Variants in LRRFIP1 observed in about 807,000 individuals in gnomAD.
The protein encoded by LRRFIP1 is leucine-rich repeat flightless-interacting protein 1.
A neutral mutation model predicts 104.4 loss-of-function variants in LRRFIP1; 62 were observed. The ratio of observed to expected loss-of-function variants is 0.59; its 90% CI spans 0.48 to 0.73. The LOEUF (loss-of-function observed/expected upper bound fraction) is 0.73. Ranked by LOEUF, LRRFIP1 falls within the 30% of genes least tolerant of loss-of-function variation. The pLI is 0.00. For synonymous variants in LRRFIP1, 300 were observed against 299.0 expected, an observed-to-expected ratio of 1.00 and a Z score of -0.03; for missense variants, 796 against 824.5, an observed-to-expected ratio of 0.97 and a Z score of 0.42.
intron 1 of LRRFIP1, among the ~76,000 whole-genome samples, chr2:237,698,054 A>T (rs780190796): frequency 6.6e-6 from 1 of 152,226 alleles, no homozygotes; most frequent in Non-Finnish European, 1.5e-5. Context: ...GAATAGGTCA[A>T]TGTGTGAGTC....
rs537146952 is a variant in LRRFIP1, at chr2:237,770,394, A to C, written c.1509+402A>C. 2.8e-5 allele frequency: 5 copies of C among 180,412 alleles called. No homozygotes were observed. In the South Asian group the frequency reaches 3.6e-4, roughly 13 times the overall value. 11.2% of individuals were successfully genotyped at this position (180,412 alleles called of 1,614,324 possible). On this transcript the variant is annotated intron_variant, in intron 20 of 23. Coordinates refer to ENST00000308482, the MANE Select transcript of LRRFIP1 (RefSeq NM_001137550.2). ...TATGGGTTGTTTGTCCATAAAAGTC[A>C]GTTTTGTACTCTTGGTGATCAGCAC...
At chr2:237,720,479 A>T (rs1027206267) in intron 5 of LRRFIP1, among the ~76,000 whole-genome samples, 3 of 146,738 alleles carry the variant, frequency 2.0e-5, no homozygotes, top group Non-Finnish European at 4.5e-5. Context: ...CAAACTCCTG[A>T]CCTCAAGTGA....
intron 1 of LRRFIP1, among the ~76,000 whole-genome samples, chr2:237,639,167 A>T (rs1290003648): frequency 6.6e-6 from 1 of 152,162 alleles, no homozygotes; most frequent in East Asian, 1.9e-4. Context: ...AGAAGGAGGC[A>T]GTTGTGCTTC....
chr2:237,666,795 T>TTCTTTCTC (rs1559501518), intron 1 of LRRFIP1, among the ~76,000 whole-genome samples: 5 of 29,632 alleles, frequency 1.7e-4, no homozygotes, highest in African/African-American at 7.1e-4. Flanking sequence ...TTCTTTCTCT[T>TTCTTTCTC]TCTCTTTCTT....
intron 8 of LRRFIP1, among the ~76,000 whole-genome samples, chr2:237,730,127 G>A (rs2094935238): frequency 6.6e-6 from 1 of 152,134 alleles, no homozygotes; most frequent in African/African-American, 2.4e-5. Flanking sequence ...TTTCTAATTA[G>A]AATTAATCAA....
intron 19 of LRRFIP1, among the ~76,000 whole-genome samples, chr2:237,760,990 G>A (rs1290497070): frequency 1.3e-5 from 2 of 152,182 alleles, no homozygotes; most frequent in African/African-American, 4.8e-5. Context: ...AAGTTGCAGC[G>A]TGCAAGTGAG....
intron 11 of LRRFIP1, among the ~76,000 whole-genome samples, chr2:237,739,902 C>T (rs2064198477): frequency 1.3e-5 from 2 of 151,966 alleles, no homozygotes; most frequent in South Asian, 4.2e-4. Flanking sequence ...TGAAGGCGAC[C>T]CTATGACTCT....
chr2:237,682,248 G>A (rs887194784), intron 1 of LRRFIP1, among the ~76,000 whole-genome samples: 1 of 152,208 alleles, frequency 6.6e-6, no homozygotes, highest in Non-Finnish European at 1.5e-5. Flanking sequence ...GCTGCCAGAC[G>A]GAATCTTTTG....
chr2:237,718,773 G>T (rs887222076), intron 4 of LRRFIP1, among the ~76,000 whole-genome samples: 1 of 152,096 alleles, frequency 6.6e-6, no homozygotes, highest in African/African-American at 2.4e-5. Flanking sequence ...TATAAAAGAG[G>T]TTCGCTCTTC....
chr2:237,708,208 T>A (rs1287766628), intron 1 of LRRFIP1, among the ~76,000 whole-genome samples: 1 of 152,216 alleles, frequency 6.6e-6, no homozygotes, highest in Non-Finnish European at 1.5e-5. Flanking sequence ...TTAGGCAAGT[T>A]ACTTACCCTC....
chr2:237,718,966 A>G (rs909035573), intron 4 of LRRFIP1, among the ~76,000 whole-genome samples: 1 of 152,226 alleles, frequency 6.6e-6, no homozygotes, highest in Non-Finnish European at 1.5e-5. Context: ...ATCTTTACAC[A>G]TTCTTTGAAG....
At chr2:237,628,321 A>G (rs2149214902) in intron 1 of LRRFIP1, among the ~76,000 whole-genome samples, 1 of 152,316 alleles carries the variant, frequency 6.6e-6, no homozygotes, top group Non-Finnish European at 1.5e-5. Flanking sequence ...GCACACTGAA[A>G]CGTCTTCATT....
chr2:237,659,923 G>A (rs925533680), intron 1 of LRRFIP1, among the ~76,000 whole-genome samples: 3 of 152,152 alleles, frequency 2.0e-5, no homozygotes, highest in African/African-American at 7.2e-5. Flanking sequence ...ACAGGCGTGA[G>A]CCACCGCAAG....
At chr2:237,723,088 G>A (rs1575832939) in intron 6 of LRRFIP1, among the ~76,000 whole-genome samples, 1 of 152,188 alleles carries the variant, frequency 6.6e-6, no homozygotes, top group African/African-American at 2.4e-5. Context: ...AAAAGGTGGG[G>A]AGGTGATTTA....
At chr2:237,714,412 A>T (rs1037949195) in intron 3 of LRRFIP1, 136 bp downstream of exon 3, 4 of 662,830 alleles carry the variant, frequency 6.0e-6, no homozygotes, top group Non-Finnish European at 1.0e-5. Context: ...TACTTTGTGT[A>T]TGAATTTGTT....
At chr2:237,777,126 C>A (rs2061158327) in intron 23 of LRRFIP1, among the ~76,000 whole-genome samples, 1 of 152,188 alleles carries the variant, frequency 6.6e-6, no homozygotes, top group Admixed American at 6.5e-5. Context: ...TCCTGCCTGG[C>A]ATGCACACCC....
intron 3 of LRRFIP1, among the ~76,000 whole-genome samples, chr2:237,716,751 T>C (rs570428459): frequency 6.6e-6 from 1 of 152,328 alleles, no homozygotes; most frequent in Middle Eastern, 3.4e-3. Flanking sequence ...GGAAATTAAA[T>C]AAAAAGGAGA....
intron 19 of LRRFIP1, among the ~76,000 whole-genome samples, chr2:237,761,112 TTTTA>T (rs2059815215): frequency 6.6e-6 from 1 of 152,220 alleles, no homozygotes; most frequent in South Asian, 2.1e-4. Context: ...TCTTATTTCT[TTTTA>T]TTTATGGAAA....
At position 237,766,137 on chromosome 2, in the gene LRRFIP1, G is replaced by A. The variant is rs2060238176; in HGVS notation, c.1460-3806G>A. Among the ~76,000 whole-genome samples the A allele has an allele frequency of 6.6e-6, 1 of 152,138 alleles. No homozygotes were observed. Among genetic ancestry groups the A allele is most frequent in the Non-Finnish European group, 1.5e-5 (1 of 68,028 alleles). On this transcript the variant is annotated intron_variant, in intron 19 of 23. Coordinates refer to ENST00000308482, the MANE Select transcript of LRRFIP1 (RefSeq NM_001137550.2). The surrounding 1 kb of genome is among the most constrained non-coding windows in gnomAD (Gnocchi z 4.8). The stretch of plus-strand genomic sequence containing the variant: ...CTGGGAGAACTGAGACGATTGTCAC[G>A]CACCATCCCCTGTGATCTGTGGTTC...
Sources: gnomAD v4.1 joint callset for allele counts (sites outside exome capture counted in the v4.1 genomes callset) on GRCh38, gnomAD v4.1.1 for gene constraint, Gnocchi (gnomAD v3.1) non-coding constraint, MANE v1.5 for transcripts, NCBI Gene and HGNC (gene_info 2026-07-23, HGNC 2026-07-21) for gene names.